The following DCT variants were observed in gnomAD, a reference collection of about 807,000 sequenced individuals.
DCT encodes the protein dopachrome tautomerase.
DCT carries 47 observed loss-of-function variants against 53.0 expected under a neutral mutation model. The ratio of observed to expected loss-of-function variants is 0.89; its 90% CI spans 0.70 to 1.13. The LOEUF (loss-of-function observed/expected upper bound fraction) is 1.13. DCT is among the 50% of genes most tolerant of loss of function. DCT has a pLI of 0.00. For synonymous variants in DCT, 244 were observed against 237.0 expected (o/e 1.03, Z -0.27); for missense variants, 669 against 637.4 (o/e 1.05, Z -0.53).
intron 6 of DCT, 133 bp from the exon 7 acceptor site, chr13:94,443,770 C>A: frequency 2.1e-5 from 14 of 674,798 alleles, no homozygotes; most frequent in Non-Finnish European, 3.6e-5. Flanking sequence ...GTGTGGAATA[C>A]CCCCTTCTGT....
chr13:94,536,185 T>C, the DCT span, among the ~76,000 whole-genome samples: 5 of 152,324 alleles, frequency 3.3e-5, no homozygotes, highest in East Asian at 7.7e-4. Flanking sequence ...CAATGGTCGA[T>C]ACAGTTTAGG....
At chr13:94,547,982 A>AG in the DCT span, among the ~76,000 whole-genome samples, 68 of 84,842 alleles carry the variant, frequency 8.0e-4, no homozygotes, top group Non-Finnish European at 1.0e-3. Context: ...AAAAAAAAAA[A>AG]AAATATATAT....
chr13:94,506,137 T>C, the DCT span, among the ~76,000 whole-genome samples: 1 of 152,224 alleles, frequency 6.6e-6, no homozygotes, highest in East Asian at 1.9e-4. Flanking sequence ...AAATCACGTA[T>C]AGTTTGTTAT....
chr13:94,488,328 A>C, the DCT span, among the ~76,000 whole-genome samples: 1 of 152,142 alleles, frequency 6.6e-6, no homozygotes, highest in Non-Finnish European at 1.5e-5. Context: ...GGCTGAAAAA[A>C]TATATATATT....
chr13:94,443,591 C>G lies in DCT; in HGVS notation c.1226G>C (p.Arg409Thr). 1 of 1,613,996 alleles carries G rather than the reference C, an allele frequency of 6.2e-7. No homozygotes were observed. Among genetic ancestry groups the G allele is most frequent in the Non-Finnish European group, 8.5e-7 (1 of 1,179,952 alleles). ...TDAIFDEWMK[R>T]FNPPADAWPQ... ...CCAGGCATCTGCAGGAGGATTAAAT[C>G]TTTTCATCCACTCATCAAAGATGGC... The change falls in exon 7 of 8, where the codon AGA becomes ACA. Residue 409 changes from arginine to threonine, a missense_variant. Physicochemically the swap from Arg to Thr is moderately conservative, Grantham distance 71 (BLOSUM62 -1). Transcript: ENST00000377028.
the DCT span, among the ~76,000 whole-genome samples, chr13:94,549,112 C>T: frequency 1.3e-5 from 2 of 152,228 alleles, no homozygotes; most frequent in Non-Finnish European, 2.9e-5. Context: ...AGGGCCAGAC[C>T]CAGGGCCGGC....
At chr13:94,491,238 T>A in the DCT span, among the ~76,000 whole-genome samples, 2 of 152,208 alleles carry the variant, frequency 1.3e-5, no homozygotes, top group Non-Finnish European at 2.9e-5. Context: ...AGCAGAGCCA[T>A]GCTCCCTTTG....
At chr13:94,456,342 G>T (rs1441250732) in intron 6 of DCT, among the ~76,000 whole-genome samples, 1 of 152,030 alleles carries the variant, frequency 6.6e-6, no homozygotes, top group Non-Finnish European at 1.5e-5. Flanking sequence ...ACACCCATCA[G>T]GCAAGCTTAG....
chr13:94,530,408 A>G, the DCT span, among the ~76,000 whole-genome samples: 61,067 of 151,738 alleles, frequency 0.4, 12,968 homozygotes, highest in East Asian at 0.61. Flanking sequence ...CTGGCAAACC[A>G]AATCCAGCAG....
chr13:94,488,832 A>G, the DCT span, among the ~76,000 whole-genome samples: 1 of 99,218 alleles, frequency 1.0e-5, no homozygotes, highest in Non-Finnish European at 2.4e-5. Context: ...ATATATATAC[A>G]TACATATACA....
At position 94,468,991 on chromosome 13, in the gene DCT, T is replaced by C. The variant is rs542143928; in HGVS notation, c.350A>G (p.Asn117Ser). The C allele has an allele frequency of 1.9e-5, 31 of 1,614,162 alleles. No individual in the cohort carries two copies. Among genetic ancestry groups the C allele is most frequent in the African/African-American group, 6.7e-5 (5 of 75,044 alleles). The change falls in exon 2 of 8, where the codon AAC becomes AGC. Residue 117 changes from asparagine (N) to serine (S), a missense_variant. Physicochemically the swap from Asn to Ser is conservative, Grantham distance 46. Coordinates refer to ENST00000377028, the MANE Select transcript of DCT (RefSeq NM_001922.5). ...GDCKFGWTGP[N>S]CERKKPPVIR... ...CACTGGTGGTTTCTTCCGCTCGCAGTTGGGACCGGTCCAGCCAAACTTGCA... is the reference window on the plus strand; with the variant it reads ...CACTGGTGGTTTCTTCCGCTCGCAGCTGGGACCGGTCCAGCCAAACTTGCA...
chr13:94,528,784 C>A, the DCT span, among the ~76,000 whole-genome samples: 3 of 151,162 alleles, frequency 2.0e-5, no homozygotes, highest in South Asian at 6.4e-4. Flanking sequence ...CAAATTCAAA[C>A]GTAACAATAT....
chr13:94,548,779 G>C, the DCT span, among the ~76,000 whole-genome samples: 1 of 152,136 alleles, frequency 6.6e-6, no homozygotes, highest in African/African-American at 2.4e-5. Context: ...CACACTTGCA[G>C]GGGCAAGACA....
At chr13:94,496,249 A>C in the DCT span, among the ~76,000 whole-genome samples, 3 of 152,112 alleles carry the variant, frequency 2.0e-5, no homozygotes, top group Non-Finnish European at 2.9e-5. Context: ...GCTGGAGTAC[A>C]GTGCCATGAT....
the DCT span, among the ~76,000 whole-genome samples, chr13:94,547,848 G>A: frequency 6.6e-6 from 1 of 150,812 alleles, no homozygotes; most frequent in South Asian, 2.1e-4. Flanking sequence ...AAATTAGCCG[G>A]GCATGGTGGC....
intron 1 of DCT, among the ~76,000 whole-genome samples, chr13:94,474,850 C>T (rs1295543507): frequency 6.6e-6 from 1 of 152,116 alleles, no homozygotes; most frequent in African/African-American, 2.4e-5. Flanking sequence ...ACTTATTAGG[C>T]TGAAATTACT....
At chr13:94,476,980 G>A (rs2139376542) in intron 1 of DCT, among the ~76,000 whole-genome samples, 1 of 152,282 alleles carries the variant, frequency 6.6e-6, no homozygotes, top group African/African-American at 2.4e-5. Context: ...TATCCAATAT[G>A]TTATTGAAAT....
the DCT span, among the ~76,000 whole-genome samples, chr13:94,535,419 A>G: frequency 3.1e-3 from 467 of 152,344 alleles, 2 homozygotes; most frequent in African/African-American, 0.011. Flanking sequence ...TGGAAATAGT[A>G]TCTGTCACTC....
At chr13:94,485,854 G>C in the DCT span, among the ~76,000 whole-genome samples, 1 of 152,176 alleles carries the variant, frequency 6.6e-6, no homozygotes, top group Admixed American at 6.5e-5. Context: ...GAAGGATAAG[G>C]CTGCAGGTGA....
Sources: allele counts gnomAD v4.1 joint callset (sites outside exome capture counted in the v4.1 genomes callset), GRCh38; gene constraint gnomAD v4.1.1; transcripts MANE v1.5; gene names NCBI Gene and HGNC (gene_info 2026-07-23, HGNC 2026-07-21).